The following EXTL3 variants were observed in gnomAD, a reference collection of about 807,000 sequenced individuals.
The protein encoded by EXTL3 is exostosin-like 3.
A neutral mutation model predicts 69.3 loss-of-function variants in EXTL3; 27 were observed. The ratio of observed to expected loss-of-function variants is 0.39; its 90% confidence interval spans 0.29 to 0.54. EXTL3 has a LOEUF of 0.54. Ranked by LOEUF, EXTL3 falls within the 20% of genes least tolerant of loss-of-function variation. The pLI is 0.69. For missense variants in EXTL3, 1,003 were observed against 1,231.8 expected, an observed-to-expected ratio of 0.81 and a Z score of 2.78; for synonymous variants, 511 against 499.4, an observed-to-expected ratio of 1.02 and a Z score of -0.31.
chr8:28,648,829 C>T (rs1411210272), intron 1 of EXTL3, among the ~76,000 whole-genome samples: 40 of 152,146 alleles, frequency 2.6e-4, no homozygotes, highest in Non-Finnish European at 1.2e-4. Context: ...GATCCTCCCA[C>T]CTCAGCATCC....
rs377560507 is a variant in EXTL3, at chr8:28,733,033, A to G, written c.2276+1683A>G. Among the ~76,000 whole-genome samples, 36 of 151,918 alleles carry G rather than the reference A, an allele frequency of 2.4e-4. No individual in the cohort carries two copies. The East Asian group carries it at 6.2e-3, about 26-fold the overall frequency. ...AGGCATGAGCCACGGTGCCCAGCCC[A>G]GGTACCAGTTCTTCATTCATTTTCT... On this transcript the variant is annotated intron_variant, in intron 4 of 6. Transcript: ENST00000220562.
At chr8:28,667,877 A>G (rs2130635202) in intron 1 of EXTL3, among the ~76,000 whole-genome samples, 1 of 151,762 alleles carries the variant, frequency 6.6e-6, no homozygotes, top group African/African-American at 2.4e-5. Context: ...AAAAAAGAAT[A>G]TTTTCTTCCC....
At chr8:28,635,667 C>G (rs557267977) in intron 1 of EXTL3, among the ~76,000 whole-genome samples, 145 of 150,632 alleles carry the variant, frequency 9.6e-4, no homozygotes, top group Non-Finnish European at 1.8e-3. Flanking sequence ...GCTGAGATCG[C>G]ACCACTGCAC....
intron 4 of EXTL3, among the ~76,000 whole-genome samples, chr8:28,733,560 A>ATTT (rs1171341000): frequency 7.7e-6 from 1 of 129,940 alleles, no homozygotes; most frequent in Non-Finnish European, 1.7e-5. Flanking sequence ...TAATCTTTAC[A>ATTT]TTTTTTTTTT....
At chr8:28,679,460 C>T (rs1160953583) in intron 1 of EXTL3, among the ~76,000 whole-genome samples, 1 of 151,830 alleles carries the variant, frequency 6.6e-6, no homozygotes, top group Non-Finnish European at 1.5e-5. Context: ...AAAGAATGTC[C>T]AGTCTGGTGG....
chr8:28,711,014 T>C (rs948844683), intron 1 of EXTL3, among the ~76,000 whole-genome samples: 10 of 152,326 alleles, frequency 6.6e-5, no homozygotes, highest in African/African-American at 2.4e-4. Flanking sequence ...TGGAGATTTC[T>C]TTTTTGGGAT....
At chr8:28,692,304 A>T (rs1365453010) in intron 1 of EXTL3, among the ~76,000 whole-genome samples, 4 of 152,184 alleles carry the variant, frequency 2.6e-5, no homozygotes, top group Non-Finnish European at 4.4e-5. Flanking sequence ...TCTATGGCAT[A>T]GTGTTTGCAA....
chr8:28,734,715 CA>C (rs1801609822), intron 4 of EXTL3, among the ~76,000 whole-genome samples: 1 of 151,692 alleles, frequency 6.6e-6, no homozygotes, highest in African/African-American at 2.4e-5. Context: ...CAAAACAAAA[CA>C]AAACAAAAAA....
At chr8:28,656,054 CAATA>C (rs901591498) in intron 1 of EXTL3, among the ~76,000 whole-genome samples, 5 of 152,072 alleles carry the variant, frequency 3.3e-5, no homozygotes, top group Admixed American at 1.3e-4. Context: ...GCCTTTTAGA[CAATA>C]AATCCATTTC....
chr8:28,637,734 C>A (rs1453984458), intron 1 of EXTL3, among the ~76,000 whole-genome samples: 1 of 152,118 alleles, frequency 6.6e-6, no homozygotes, highest in Non-Finnish European at 1.5e-5. Context: ...CTCCTGCATC[C>A]TTCTCAGCCT....
intron 1 of EXTL3, among the ~76,000 whole-genome samples, chr8:28,641,841 A>G (rs908986041): frequency 1.3e-5 from 2 of 151,164 alleles, no homozygotes; most frequent in Admixed American, 6.6e-5. Flanking sequence ...TAATTTATTT[A>G]TTTGTTTTTC....
intron 1 of EXTL3, among the ~76,000 whole-genome samples, chr8:28,680,575 G>A (rs1298806773): frequency 2.0e-5 from 3 of 152,018 alleles, no homozygotes; most frequent in Admixed American, 1.3e-4. Context: ...TTATTTGTGT[G>A]TGTGTGTGGT....
chr8:28,718,805 G>A (rs1394803349), intron 3 of EXTL3, among the ~76,000 whole-genome samples: 1 of 152,208 alleles, frequency 6.6e-6, no homozygotes, highest in East Asian at 1.9e-4. Context: ...ATATTTTGGA[G>A]TTGGAGAACC....
chr8:28,704,766 G>A lies in EXTL3; in HGVS notation c.-570+3107G>A, dbSNP rs113052665. Among the ~76,000 whole-genome samples the A allele has an allele frequency of 4.9e-3, 740 of 151,986 alleles. 1 individual carries two copies. The highest frequency in any genetic ancestry group is 0.017 in the African/African-American group (713 of 41,462). On this transcript the variant is annotated intron_variant, in intron 1 of 6. Transcript: ENST00000220562. Reference sequence around the variant, plus strand: ...GTGACTGCAAACTTCCGCCTCCCAGGTTCAAGTAATTCTCCTGCCTCAACC... The same window carrying A: ...GTGACTGCAAACTTCCGCCTCCCAGATTCAAGTAATTCTCCTGCCTCAACC...
intron 1 of EXTL3, among the ~76,000 whole-genome samples, chr8:28,668,869 T>TTTTTTTTTTTC (rs1807241433): frequency 7.5e-6 from 1 of 134,228 alleles, no homozygotes; most frequent in African/African-American, 2.9e-5. Flanking sequence ...GAATCTCTTT[T>TTTTTTTTTTTC]TTTTTTTTTT....
At chr8:28,696,205 T>G (rs1280949146) in intron 1 of EXTL3, 1 of 152,174 alleles carries the variant, frequency 6.6e-6, no homozygotes, top group Non-Finnish European at 1.5e-5. Context: ...CAATTATTTA[T>G]TTTTTAAAAA....
chr8:28,646,037 A>G (rs940744302), intron 1 of EXTL3, among the ~76,000 whole-genome samples: 3 of 148,864 alleles, frequency 2.0e-5, no homozygotes, highest in Non-Finnish European at 4.5e-5. Context: ...TAATTTTTGT[A>G]TATTTGGTAG....
At chr8:28,738,395 T>A (rs1801697567) in intron 5 of EXTL3, among the ~76,000 whole-genome samples, 1 of 152,212 alleles carries the variant, frequency 6.6e-6, no homozygotes, top group South Asian at 2.1e-4. Flanking sequence ...AGTAATTGTT[T>A]GTGTTGATTG....
At chr8:28,742,938 G>C in intron 5 of EXTL3, 148 bp from the exon 6 acceptor site, 2 of 818,010 alleles carry the variant, frequency 2.4e-6, no homozygotes, top group East Asian at 2.4e-5. Context: ...AGGATGTCTC[G>C]AATCCCCTGC....
Sources: allele counts gnomAD v4.1 joint callset (sites outside exome capture counted in the v4.1 genomes callset), GRCh38; gene constraint gnomAD v4.1.1; transcripts MANE v1.5; gene names NCBI Gene and HGNC (gene_info 2026-07-23, HGNC 2026-07-21).